RIMBP2: variants seen among roughly 807,000 people sequenced by gnomAD.
RIMBP2 encodes the protein RIMS binding protein 2.
A neutral mutation model predicts 118.6 loss-of-function variants in RIMBP2; 48 were observed. The observed-to-expected ratio is 0.40, with a 90% CI of 0.32 to 0.51. The LOEUF (loss-of-function observed/expected upper bound fraction) is 0.51, where lower values mean the gene tolerates loss of function less well. RIMBP2 is among the 20% of genes least tolerant of loss of function. RIMBP2 has a pLI of 0.41. For synonymous variants in RIMBP2, 762 were observed against 742.9 expected (o/e 1.03, Z -0.42); for missense variants, 1,551 against 1,768.3 (o/e 0.88, Z 2.20).
At chr12:130,638,195 T>G (rs192131245) in intron 1 of RIMBP2, among the ~76,000 whole-genome samples, 1 of 152,276 alleles carries the variant, frequency 6.6e-6, no homozygotes, top group Non-Finnish European at 1.5e-5. Context: ...TGTTTGGGAA[T>G]AGACACCGAT....
intron 2 of RIMBP2, among the ~76,000 whole-genome samples, chr12:130,520,313 C>T (rs1176770498): frequency 2.0e-5 from 3 of 152,076 alleles, no homozygotes; most frequent in South Asian, 2.1e-4. Context: ...GAAACATCTT[C>T]GTCTCTTTCC....
chr12:130,485,935 A>G (rs2082433669), intron 4 of RIMBP2, among the ~76,000 whole-genome samples: 1 of 152,194 alleles, frequency 6.6e-6, no homozygotes, highest in Admixed American at 6.5e-5. Context: ...CGTGAGCGGG[A>G]GAAGCACTCG....
At chr12:130,605,070 C>T (rs1446835454) in intron 2 of RIMBP2, among the ~76,000 whole-genome samples, 3 of 152,144 alleles carry the variant, frequency 2.0e-5, no homozygotes, top group South Asian at 4.2e-4. Flanking sequence ...GTAGACTCCC[C>T]GGCTAGGTGT....
At chr12:130,615,276 C>CATATATGTATATATATATATATATATAT (rs1555309136) in intron 2 of RIMBP2, among the ~76,000 whole-genome samples, 4 of 100,266 alleles carry the variant, frequency 4.0e-5, no homozygotes, top group African/African-American at 1.2e-4. Flanking sequence ...AATACACATA[C>CATATATGTATATATATATATATATATAT]ATATATATAT....
At chr12:130,425,987 C>T (rs1039057146) in intron 15 of RIMBP2, 3 of 152,354 alleles carry the variant, frequency 2.0e-5, no homozygotes, top group Non-Finnish European at 4.4e-5. Context: ...AGCTCTCTCC[C>T]TTCACTTTGC....
At chr12:130,693,489 G>C (rs2065429360) in intron 1 of RIMBP2, among the ~76,000 whole-genome samples, 1 of 152,184 alleles carries the variant, frequency 6.6e-6, no homozygotes, top group African/African-American at 2.4e-5. Flanking sequence ...CCCAAAGCCA[G>C]TGATGCCCAG....
intron 3 of RIMBP2, among the ~76,000 whole-genome samples, chr12:130,509,289 C>A (rs2050671015): frequency 6.6e-6 from 1 of 152,186 alleles, no homozygotes; most frequent in South Asian, 2.1e-4. Flanking sequence ...AGTGCCCATG[C>A]CACCAGGTCC....
At chr12:130,587,861 T>C (rs1236918357) in intron 2 of RIMBP2, among the ~76,000 whole-genome samples, 1 of 147,514 alleles carries the variant, frequency 6.8e-6, no homozygotes, top group African/African-American at 2.5e-5. Context: ...AAAGAAGAGA[T>C]GGGGGAGCGG....
At chr12:130,671,448 T>C (rs1342218448) in intron 1 of RIMBP2, among the ~76,000 whole-genome samples, 1 of 152,230 alleles carries the variant, frequency 6.6e-6, no homozygotes, top group East Asian at 1.9e-4. Flanking sequence ...ATTGACTGTC[T>C]GCCTCCTCTA....
At chr12:130,615,276 C>CATACAT (rs1455080257) in intron 2 of RIMBP2, among the ~76,000 whole-genome samples, 2 of 100,264 alleles carry the variant, frequency 2.0e-5, no homozygotes, top group African/African-American at 7.9e-5. Flanking sequence ...AATACACATA[C>CATACAT]ATATATATAT....
chr12:130,415,808 A>C (rs1378210796), intron 17 of RIMBP2, among the ~76,000 whole-genome samples: 1 of 152,250 alleles, frequency 6.6e-6, no homozygotes, highest in Non-Finnish European at 1.5e-5. Flanking sequence ...GAAAACCCTG[A>C]AGACTCTGCT....
At chr12:130,660,876 T>C (rs2063630297) in intron 1 of RIMBP2, among the ~76,000 whole-genome samples, 3 of 152,152 alleles carry the variant, frequency 2.0e-5, no homozygotes, top group Admixed American at 6.5e-5. Context: ...GGCAGACTTG[T>C]ATTCAGACAC....
At chr12:130,684,041 A>G (rs555064195) in intron 1 of RIMBP2, among the ~76,000 whole-genome samples, 1 of 152,188 alleles carries the variant, frequency 6.6e-6, no homozygotes, top group South Asian at 2.1e-4. Flanking sequence ...TATAAGTCTG[A>G]TAAGAAACAT....
intron 17 of RIMBP2, among the ~76,000 whole-genome samples, chr12:130,415,232 C>T (rs2136534564): frequency 6.6e-6 from 1 of 152,282 alleles, no homozygotes; most frequent in African/African-American, 2.4e-5. Context: ...CCCTCAGATG[C>T]AAGATTGGTT....
intron 4 of RIMBP2, among the ~76,000 whole-genome samples, chr12:130,496,924 C>T (rs1028171441): frequency 6.6e-6 from 1 of 152,170 alleles, no homozygotes; most frequent in Non-Finnish European, 1.5e-5. Context: ...GGGCTTAAAA[C>T]AACAGCAACC....
intron 17 of RIMBP2, among the ~76,000 whole-genome samples, chr12:130,415,951 G>T (rs2076074318): frequency 7.3e-6 from 1 of 136,420 alleles, no homozygotes; most frequent in Admixed American, 7.1e-5. Context: ...CAATCCCATT[G>T]ACAATAGCCA....
In RIMBP2 at chr12:130,599,616, G is replaced by T. The variant is rs149246961; in HGVS notation, c.-217+28706C>A. Among the ~76,000 whole-genome samples, 18 of 152,304 alleles carry T rather than the reference G, an allele frequency of 1.2e-4. No homozygotes were observed. The South Asian group carries it at 1.9e-3, about 16-fold the overall frequency. ...AATTAAAAACACTGGGCATGCAAGT[G>T]CTAGCAAGGATACAGATGATTGGAA... On this transcript the variant is annotated intron_variant, in intron 2 of 22. Transcript: ENST00000690449.
At chr12:130,629,469 A>G (rs78272828) in intron 1 of RIMBP2, among the ~76,000 whole-genome samples, 55 of 152,248 alleles carry the variant, frequency 3.6e-4, no homozygotes, top group Non-Finnish European at 6.8e-4. Context: ...AATTTTGTGC[A>G]AGCAATCTGT....
intron 7 of RIMBP2, among the ~76,000 whole-genome samples, chr12:130,455,596 G>A (rs1243703107): frequency 1.3e-5 from 2 of 152,156 alleles, no homozygotes; most frequent in East Asian, 1.9e-4. Context: ...TGGGACGAGC[G>A]GAGAGGCAGG....
Sources: allele counts gnomAD v4.1 joint callset (sites outside exome capture counted in the v4.1 genomes callset), GRCh38; gene constraint gnomAD v4.1.1; transcripts MANE v1.5; gene names NCBI Gene and HGNC (gene_info 2026-07-23, HGNC 2026-07-21).